RAB31: variants seen among roughly 807,000 people sequenced by gnomAD.
The protein encoded by RAB31 is ras-related protein Rab-31.
RAB31 carries 21 observed loss-of-function variants against 25.6 expected under a neutral mutation model. The ratio of observed to expected loss-of-function variants is 0.82; its 90% CI spans 0.58 to 1.18. The LOEUF is 1.18. Ranked by LOEUF, RAB31 falls within the 50% of genes most tolerant of loss-of-function variation. RAB31 has a pLI of 0.00. For missense variants in RAB31, 196 were observed against 250.1 expected (o/e 0.78, Z 1.46); for synonymous variants, 87 against 84.0 (o/e 1.04, Z -0.20).
At chr18:9,772,558 G>A (rs2068350761) in intron 1 of RAB31, among the ~76,000 whole-genome samples, 1 of 152,218 alleles carries the variant, frequency 6.6e-6, no homozygotes, top group African/African-American at 2.4e-5. Flanking sequence ...GCATGGGAAA[G>A]GGAGGGTTTG....
chr18:9,741,376 CAAAAAAAAAA>C (rs71169903), intron 1 of RAB31, among the ~76,000 whole-genome samples: 4 of 31,256 alleles, frequency 1.3e-4, no homozygotes, highest in Non-Finnish European at 2.0e-4. Context: ...AACTCCGTCT[CAAAAAAAAAA>C]AAAAAAAAAA....
Position 9,775,200 on chromosome 18 carries a change from A to G in RAB31, c.40-78A>G. On this transcript the variant is annotated intron_variant, in intron 1 of 6. Transcript: ENST00000578921. Reference sequence around the variant, plus strand: ...AAATAGCCAGTCGTGTCCTCTGGTAATCTGTGAGGTCAGTTAACCTCACAA... The same window carrying G: ...AAATAGCCAGTCGTGTCCTCTGGTAGTCTGTGAGGTCAGTTAACCTCACAA... 6.2e-6 allele frequency: 10 copies of G among 1,602,492 alleles called. No homozygotes were observed. In the South Asian group the frequency reaches 1.1e-4, roughly 18 times the overall value.
chr18:9,819,871 T>C (rs1328097147), intron 5 of RAB31, among the ~76,000 whole-genome samples: 1 of 152,116 alleles, frequency 6.6e-6, no homozygotes, highest in Non-Finnish European at 1.5e-5. Flanking sequence ...TTGTTGTTAG[T>C]GTGTAGAAAT....
chr18:9,782,218 C>A (rs1197296496), intron 2 of RAB31, among the ~76,000 whole-genome samples: 1 of 152,250 alleles, frequency 6.6e-6, no homozygotes, highest in African/African-American at 2.4e-5. Flanking sequence ...CTAGACATTT[C>A]AGTTCCTGGC....
At chr18:9,820,106 T>C (rs541831600) in intron 5 of RAB31, among the ~76,000 whole-genome samples, 105 of 152,210 alleles carry the variant, frequency 6.9e-4, no homozygotes, top group African/African-American at 2.4e-3. Flanking sequence ...GGAATAAAAG[T>C]AATGAGAGTG....
intron 1 of RAB31, among the ~76,000 whole-genome samples, chr18:9,741,426 G>T (rs2068178724): frequency 6.7e-6 from 1 of 149,338 alleles, no homozygotes; most frequent in African/African-American, 2.5e-5. Context: ...GGGCACCCCT[G>T]GATTGTGGCA....
In RAB31 at chr18:9,835,381, T is replaced by G. The variant is rs115635913; in HGVS notation, c.381-10201T>G. ...CCTCTTCAGGACTAGGCTGAATTTC[T>G]GTCAGCAGAAGGGGATTAAGAGGCA... On this transcript the variant is annotated intron_variant, in intron 5 of 6. Coordinates refer to ENST00000578921, the MANE Select transcript of RAB31 (RefSeq NM_006868.4). 9.4e-3 allele frequency among the ~76,000 whole-genome samples: 1,430 copies of G among 151,688 alleles called. 20 individuals carry two copies. The highest frequency in any genetic ancestry group is 0.033 in the African/African-American group (1,366 of 40,954).
At chr18:9,761,692 G>A (rs926041350) in intron 1 of RAB31, among the ~76,000 whole-genome samples, 3 of 152,188 alleles carry the variant, frequency 2.0e-5, no homozygotes, top group Non-Finnish European at 4.4e-5. Context: ...GTGCCCTGAG[G>A]CCTCTCTCAG....
intron 5 of RAB31, among the ~76,000 whole-genome samples, chr18:9,819,262 G>T (rs1244875327): frequency 6.6e-6 from 1 of 152,102 alleles, no homozygotes; most frequent in African/African-American, 2.4e-5. Context: ...GTAAGATACG[G>T]GTCCAAATTC....
rs1414296567 is a variant in RAB31 at position 9,766,982 on chromosome 18, CA to C, written c.40-8292del. On this transcript the variant is annotated intron_variant, in intron 1 of 6. Transcript: ENST00000578921. This position sits in a 1 kb window ranked among gnomAD's most constrained non-coding sequence, Gnocchi z 4.3. ...AAAACAAACAAACAAAACCCCAAACCAAAACAAACAAAAAGAAGTATGTAAG... is the reference window on the plus strand; with the variant it reads ...AAAACAAACAAACAAAACCCCAAACCAAACAAACAAAAAGAAGTATGTAAG... 6.6e-6 allele frequency among the ~76,000 whole-genome samples: 1 copy of C among 151,908 alleles called. No individual in the cohort carries two copies. Among genetic ancestry groups the C allele is most frequent in the Non-Finnish European group, 1.5e-5 (1 of 67,972 alleles).
chr18:9,804,060 A>C (rs550698323), intron 3 of RAB31, among the ~76,000 whole-genome samples: 41 of 152,304 alleles, frequency 2.7e-4, no homozygotes, highest in African/African-American at 8.9e-4. Flanking sequence ...GCAGTGAGGG[A>C]TGTGGCCTGG....
intron 1 of RAB31, among the ~76,000 whole-genome samples, chr18:9,733,611 A>G (rs762673602): frequency 6.6e-6 from 1 of 151,930 alleles, no homozygotes; most frequent in African/African-American, 2.4e-5. Flanking sequence ...GCCTCATTCC[A>G]TTTTCCTGGG....
intron 6 of RAB31, among the ~76,000 whole-genome samples, chr18:9,852,649 C>T (rs2068794975): frequency 6.6e-6 from 1 of 150,826 alleles, no homozygotes; most frequent in African/African-American, 2.4e-5. Context: ...ATTTATTAAT[C>T]TATTCACCTA....
intron 1 of RAB31, among the ~76,000 whole-genome samples, chr18:9,711,963 C>T (rs2068019712): frequency 6.6e-6 from 1 of 152,228 alleles, no homozygotes; most frequent in African/African-American, 2.4e-5. Flanking sequence ...GCTTTCAGCA[C>T]AGGCTCCCTG....
In RAB31 at chr18:9,817,651, G is replaced by C. The variant is rs187293860; in HGVS notation, c.380+2429G>C. Among the ~76,000 whole-genome samples the C allele has an allele frequency of 5.9e-5, 9 of 152,272 alleles. No individual in the cohort carries two copies. In the East Asian group the frequency reaches 1.7e-3, roughly 29 times the overall value. On this transcript the variant is annotated intron_variant, in intron 5 of 6. Coordinates refer to ENST00000578921, the MANE Select transcript of RAB31 (RefSeq NM_006868.4). Reference sequence around the variant, plus strand: ...TTGAAGAGGGACAGTTCCTAGAAAAGTGTAGCCTGGCCAGATAAAACATAT... The same window carrying C: ...TTGAAGAGGGACAGTTCCTAGAAAACTGTAGCCTGGCCAGATAAAACATAT...
intron 6 of RAB31, among the ~76,000 whole-genome samples, chr18:9,847,304 C>T (rs1001987323): frequency 1.3e-5 from 2 of 152,190 alleles, no homozygotes; most frequent in African/African-American, 2.4e-5. Context: ...CTCCTGAGGA[C>T]GATTGCCTTA....
At chr18:9,789,740 T>C (rs2068450819) in intron 2 of RAB31, among the ~76,000 whole-genome samples, 1 of 152,234 alleles carries the variant, frequency 6.6e-6, no homozygotes, top group East Asian at 1.9e-4. Flanking sequence ...TTAACATTTT[T>C]GGAATATATT....
At chr18:9,842,694 C>T (rs1271929579) in intron 5 of RAB31, among the ~76,000 whole-genome samples, 1 of 152,144 alleles carries the variant, frequency 6.6e-6, no homozygotes, top group Non-Finnish European at 1.5e-5. Context: ...CACTTTGAGC[C>T]CCACATGTGT....
At chr18:9,789,983 A>C (rs948841824) in intron 2 of RAB31, among the ~76,000 whole-genome samples, 2 of 152,134 alleles carry the variant, frequency 1.3e-5, no homozygotes, top group Non-Finnish European at 2.9e-5. Flanking sequence ...TTGGCCTCTT[A>C]TTCTTAGAAG....
Sources: gnomAD v4.1 joint callset for allele counts (sites outside exome capture counted in the v4.1 genomes callset) on GRCh38, gnomAD v4.1.1 for gene constraint, Gnocchi (gnomAD v3.1) non-coding constraint, MANE v1.5 for transcripts, NCBI Gene and HGNC (gene_info 2026-07-23, HGNC 2026-07-21) for gene names.